The following CNTNAP1 variants were observed in gnomAD, a reference collection of about 807,000 sequenced individuals.
The protein encoded by CNTNAP1 is contactin associated protein 1.
Under a neutral mutation model 161.5 loss-of-function variants are expected in CNTNAP1, and 80 were observed. The ratio of observed to expected loss-of-function variants is 0.50; its 90% confidence interval spans 0.41 to 0.60. The LOEUF (loss-of-function observed/expected upper bound fraction) is 0.60. CNTNAP1 is among the 20% of genes least tolerant of loss of function. The pLI is 0.00. For synonymous variants in CNTNAP1, 695 were observed against 733.1 expected (o/e 0.95, Z 0.84); for missense variants, 1,464 against 1,854.8 (o/e 0.79, Z 3.87).
At position 42,691,408 on chromosome 17, in the gene CNTNAP1, C is replaced by A; in HGVS notation, c.2241C>A (p.Thr747=). 1 of 1,614,024 alleles carries A rather than the reference C, an allele frequency of 6.2e-7. No individual in the cohort carries two copies. Among genetic ancestry groups the A allele is most frequent in the Non-Finnish European group, 8.5e-7 (1 of 1,179,980 alleles). ...GGAGAACTGACAAGGGACTGCTGAC[C>A]TTTGTGGACCATCTGCCTGTCACTC... The part of the protein sequence containing the change: ...PQWRTDKGLL[T]FVDHLPVTQV... The change falls in exon 15 of 24, where the codon ACC becomes ACA. Residue 747 remains threonine, a synonymous_variant. Coordinates refer to ENST00000264638, the MANE Select transcript of CNTNAP1 (RefSeq NM_003632.3). The surrounding 1 kb of genome is among the most constrained non-coding windows in gnomAD (Gnocchi z 4.3).
At position 42,685,449 on chromosome 17, in the gene CNTNAP1, A is replaced by G. The variant is rs948394739; in HGVS notation, c.715+29A>G. 1 of 1,584,266 alleles carries G rather than the reference A, an allele frequency of 6.3e-7. No homozygotes were observed. The highest frequency in any genetic ancestry group is 8.5e-7 in the Non-Finnish European group (1 of 1,169,652). On this transcript the variant is annotated intron_variant, in intron 5 of 23. Coordinates refer to ENST00000264638, the MANE Select transcript of CNTNAP1 (RefSeq NM_003632.3). The surrounding 1 kb of genome is among the most constrained non-coding windows in gnomAD (Gnocchi z 5.0). ...AGCTCGGCGACCATGTGCGATGCGG[A>G]GCCAACCCCTGAAGCTCTCTCACCG...
Position 42,687,174 on chromosome 17 carries a change from A to C in CNTNAP1, c.1044+128A>C. On this transcript the variant is annotated intron_variant, in intron 7 of 23. Coordinates refer to ENST00000264638, the MANE Select transcript of CNTNAP1 (RefSeq NM_003632.3). This position sits in a 1 kb window ranked among gnomAD's most constrained non-coding sequence, Gnocchi z 4.7. ...TCCCTCTGTCCCCAGCCAGATGCTC[A>C]AGTTGGGAGGGGAGCGGGTCTCACC... is the stretch of plus-strand genomic sequence containing the variant. 3.6e-5 allele frequency: 48 copies of C among 1,348,220 alleles called. No individual in the cohort carries two copies. Among genetic ancestry groups the C allele is most frequent in the Non-Finnish European group, 4.5e-5 (45 of 993,936 alleles). The allele number at this position is 1,348,220 out of a possible 1,614,324, so 83.5% of individuals were successfully genotyped here.
At chr17:42,683,761 G>C (rs1181582806) in intron 1 of CNTNAP1, 60 bp from the exon 2 acceptor site, 1 of 1,562,674 alleles carries the variant, frequency 6.4e-7, no homozygotes, top group Non-Finnish European at 8.6e-7. Context: ...TAAGTGGGCC[G>C]GCCTTTGGAA....
In CNTNAP1 at chr17:42,687,269, T is replaced by A. The variant is rs2053029876; in HGVS notation, c.1044+223T>A. ...CGGGTCCAATCACCTTCTTAGTTCA[T>A]AGATGAAGAAAGTAAGGCGCAGACA... On this transcript the variant is annotated intron_variant, in intron 7 of 23. Coordinates refer to ENST00000264638, the MANE Select transcript of CNTNAP1 (RefSeq NM_003632.3). This position sits in a 1 kb window ranked among gnomAD's most constrained non-coding sequence, Gnocchi z 4.7. 2 of 578,136 alleles carry A rather than the reference T, an allele frequency of 3.5e-6. No homozygotes were observed. The highest frequency in any genetic ancestry group is 5.0e-5 in the South Asian group (2 of 39,916). The allele number at this position is 578,136 out of a possible 1,614,324, so 35.8% of individuals were successfully genotyped here.
Position 42,688,865 on chromosome 17 carries a change from G to A in CNTNAP1, c.1457-11G>A, listed in dbSNP as rs2053051209. 7.4e-6 allele frequency: 12 copies of A among 1,613,712 alleles called. No homozygotes were observed. Among genetic ancestry groups the A allele is most frequent in the Non-Finnish European group, 9.3e-6 (11 of 1,179,898 alleles). ...CCCCTGGGGAGGATCTCACAGGGGTGGTTGCTCCAGGTTGTCCCAAGCCAG... is the reference window on the plus strand; with the variant it reads ...CCCCTGGGGAGGATCTCACAGGGGTAGTTGCTCCAGGTTGTCCCAAGCCAG... On this transcript the variant is annotated splice_polypyrimidine_tract_variant and intron_variant, in intron 9 of 23. Coordinates refer to ENST00000264638, the MANE Select transcript of CNTNAP1 (RefSeq NM_003632.3).
In CNTNAP1 at chr17:42,692,587, C is replaced by A; in HGVS notation, c.2619C>A (p.Asp873Glu). 1 of 1,614,206 alleles carries A rather than the reference C, an allele frequency of 6.2e-7. No individual in the cohort carries two copies. The highest frequency in any genetic ancestry group is 8.5e-7 in the Non-Finnish European group (1 of 1,180,032). Residue 873 changes from aspartate to glutamate, a missense_variant, in exon 17 of 24, where the codon GAC becomes GAA. Physicochemically the swap from Asp to Glu is conservative, Grantham distance 45 (BLOSUM62 2). Around this residue, in one of 3 missense-constraint regions of CNTNAP1, gnomAD observed 1,383 missense variants for 1,765.0 expected, o/e 0.78. Coordinates refer to ENST00000264638, the MANE Select transcript of CNTNAP1 (RefSeq NM_003632.3). ...VHSDDFEFND[D>E]EWHLVRAEIN... ...CAGACGACTTTGAGTTCAATGATGACGAGTGGCACCTGGTCCGGGCTGAAA... is the reference window on the plus strand; with the variant it reads ...CAGACGACTTTGAGTTCAATGATGAAGAGTGGCACCTGGTCCGGGCTGAAA...
In CNTNAP1 at chr17:42,683,928, C is replaced by T. The variant is rs754977048; in HGVS notation, c.169+6C>T. The T allele has an allele frequency of 3.1e-6, 5 of 1,613,848 alleles. No individual in the cohort carries two copies. In the South Asian group the frequency reaches 5.5e-5, roughly 18 times the overall value. ...GAGATTCGCCAGGCTGCACGGTGAG[C>T]TCCGCGGAACATCAGCTGCCAACTG... On this transcript the variant is annotated splice_donor_region_variant and intron_variant, in intron 2 of 23. Transcript: ENST00000264638.
chr17:42,684,205 G>T lies in CNTNAP1; in HGVS notation c.339G>T (p.Pro113=), dbSNP rs1301069746. The T allele has an allele frequency of 1.2e-6, 2 of 1,613,780 alleles. No homozygotes were observed. The highest frequency in any genetic ancestry group is 3.3e-5 in the Admixed American group (2 of 59,990). ...GCGACCGAGTGGACAGCTGGACACC[G>T]TTCTACCAGCGAGGGCACAACTCGG... ...LYGDRVDSWT[P]FYQRGHNSTF... is the part of the protein sequence containing the mutation. The change falls in exon 3 of 24, where the codon CCG becomes CCT. Residue 113 remains proline (P), a synonymous_variant. Coordinates refer to ENST00000264638, the MANE Select transcript of CNTNAP1 (RefSeq NM_003632.3).
rs1567970497 is a variant in CNTNAP1, at chr17:42,686,475, T to TTTTTTTTG, written c.900+341_900+342insGTTTTTTT. On this transcript the variant is annotated intron_variant, in intron 6 of 23. Transcript: ENST00000264638. The stretch of plus-strand genomic sequence containing the variant: ...ACTCACCAGAAAAAGGCCTGTTTTT[T>TTTTTTTTG]TTTTTTTTTTTTTTTTTTGTGGGTG... 2.7e-5 allele frequency among the ~76,000 whole-genome samples: 3 copies of TTTTTTTTG among 109,854 alleles called. 1 individual carries two copies. The highest frequency in any genetic ancestry group is 5.1e-5 in the African/African-American group (1 of 19,424). The allele number at this position is 109,854 out of a possible 152,430, so 72.1% of individuals were successfully genotyped here.
Position 42,691,100 on chromosome 17 carries a change from G to T in CNTNAP1, c.2060-37G>T. ...GAGAGGAGCCCAGAGGCTAATGGAG[G>T]GACAGGGCCTGGAAGCTGCCTGCAC... On this transcript the variant is annotated intron_variant, in intron 13 of 23. Coordinates refer to ENST00000264638, the MANE Select transcript of CNTNAP1 (RefSeq NM_003632.3). This position sits in a 1 kb window ranked among gnomAD's most constrained non-coding sequence, Gnocchi z 4.3. The T allele has an allele frequency of 6.2e-7, 1 of 1,608,936 alleles. No homozygotes were observed. The highest frequency in any genetic ancestry group is 8.5e-7 in the Non-Finnish European group (1 of 1,177,604).
Position 42,692,564 on chromosome 17 carries a change from G to C in CNTNAP1, c.2596G>C (p.Asp866His), listed in dbSNP as rs748471928. The change falls in exon 17 of 24, where the codon GAC becomes CAC. Residue 866 changes from aspartate (D) to histidine (H), a missense_variant. Physicochemically the swap from Asp to His is moderately conservative, Grantham distance 81 (BLOSUM62 -1). Transcript: ENST00000264638. ...NGDENLTVHS[D>H]DFEFNDDEWH... ...GGATGAGAACCTCACAGTACACTCA[G>C]ACGACTTTGAGTTCAATGATGACGA... is the stretch of plus-strand genomic sequence containing the variant. 12 of 1,614,092 alleles carry C rather than the reference G, an allele frequency of 7.4e-6. No individual in the cohort carries two copies. The highest frequency in any genetic ancestry group is 1.1e-5 in the South Asian group (1 of 91,090).
intron 8 of CNTNAP1, 139 bp from the exon 9 acceptor site, chr17:42,688,323 A>C: frequency 8.8e-7 from 1 of 1,137,156 alleles, no homozygotes; most frequent in Non-Finnish European, 1.3e-6. Flanking sequence ...AGAGGTCTCC[A>C]CTGGGTGTGA....
intron 13 of CNTNAP1, 52 bp downstream of exon 13, chr17:42,690,994 G>C (rs759800734): frequency 1.2e-6 from 2 of 1,607,204 alleles, no homozygotes; most frequent in Non-Finnish European, 1.7e-6. Context: ...ACCAATGGGG[G>C]CCTGGGAGAA....
chr17:42,690,258 T>C (rs1445674987), intron 12 of CNTNAP1, 51 bp downstream of exon 12: 3 of 1,605,608 alleles, frequency 1.9e-6, no homozygotes, highest in Non-Finnish European at 1.7e-6. Context: ...CCAGGAAGGA[T>C]AGAGTGGTGG....
At chr17:42,696,789 AGAGT>A (rs1402458486) in intron 20 of CNTNAP1, among the ~76,000 whole-genome samples, 1 of 152,118 alleles carries the variant, frequency 6.6e-6, no homozygotes, top group Non-Finnish European at 1.5e-5. Flanking sequence ...CCTAGGCGAC[AGAGT>A]GAGACTCCAT....
intron 9 of CNTNAP1, 113 bp from the exon 10 acceptor site, chr17:42,688,763 C>A (rs1325101144): frequency 2.6e-6 from 4 of 1,514,074 alleles, no homozygotes; most frequent in Non-Finnish European, 2.7e-6. Flanking sequence ...GCCATCTACA[C>A]TTTGGTTGTA....
At chr17:42,684,304 G>C (rs958910522) in intron 3 of CNTNAP1, 75 bp downstream of exon 3, 2 of 1,437,868 alleles carry the variant, frequency 1.4e-6, no homozygotes, top group East Asian at 4.6e-5. Flanking sequence ...ACCAGCCTCT[G>C]GGAAAATGGA....
Position 42,691,112 on chromosome 17 carries a change from G to T in CNTNAP1, c.2060-25G>T, listed in dbSNP as rs781392514. On this transcript the variant is annotated intron_variant, in intron 13 of 23. Coordinates refer to ENST00000264638, the MANE Select transcript of CNTNAP1 (RefSeq NM_003632.3). The surrounding 1 kb of genome is among the most constrained non-coding windows in gnomAD (Gnocchi z 4.3). ...GAGGCTAATGGAGGGACAGGGCCTG[G>T]AAGCTGCCTGCACCTCTTCCCCAGG... The T allele has an allele frequency of 1.2e-6, 2 of 1,611,450 alleles. No homozygotes were observed. The highest frequency in any genetic ancestry group is 1.3e-5 in the African/African-American group (1 of 74,890).
At chr17:42,690,417 G>T (rs190628661) in intron 12 of CNTNAP1, among the ~76,000 whole-genome samples, 1 of 151,978 alleles carries the variant, frequency 6.6e-6, no homozygotes, top group East Asian at 1.9e-4. Flanking sequence ...GAAGCTACTC[G>T]GGAGGTTGAG....
Sources: allele counts gnomAD v4.1 joint callset (sites outside exome capture counted in the v4.1 genomes callset), GRCh38; gene constraint gnomAD v4.1.1; regional missense constraint gnomAD v4.1.1; non-coding constraint Gnocchi (gnomAD v3.1); transcripts MANE v1.5; gene names NCBI Gene and HGNC (gene_info 2026-07-23, HGNC 2026-07-21).